CHN2: variants seen among roughly 807,000 people sequenced by gnomAD.
The protein encoded by CHN2 is chimerin 2, also known as beta-chimaerin.
CHN2 carries 35 observed loss-of-function variants against 56.3 expected under a neutral mutation model. The observed-to-expected ratio is 0.62, with a 90% CI of 0.47 to 0.82. The LOEUF is 0.82. Ranked by LOEUF, CHN2 falls within the 40% of genes least tolerant of loss-of-function variation. CHN2 has a pLI of 0.00. For missense variants in CHN2, 491 were observed against 580.5 expected, an observed-to-expected ratio of 0.85 and a Z score of 1.58; for synonymous variants, 210 against 212.8, an observed-to-expected ratio of 0.99 and a Z score of 0.12.
intron 6 of CHN2, among the ~76,000 whole-genome samples, chr7:29,432,624 A>G (rs1423410419): frequency 1.3e-5 from 2 of 152,200 alleles, no homozygotes; most frequent in African/African-American, 4.8e-5. Flanking sequence ...GTAAATACAT[A>G]TGGAAATGTG....
chr7:29,158,600 C>T (rs1456673028), intron 2 of CHN2, among the ~76,000 whole-genome samples: 2 of 152,280 alleles, frequency 1.3e-5, no homozygotes, highest in East Asian at 1.9e-4. Context: ...GATCTGTTTT[C>T]ACATGTGTAG....
intron 1 of CHN2, among the ~76,000 whole-genome samples, chr7:29,260,416 C>T (rs573669671): frequency 1.3e-5 from 2 of 152,280 alleles, no homozygotes; most frequent in Non-Finnish European, 2.9e-5. Flanking sequence ...GCAGTATTTT[C>T]ATTTGCGGAA....
chr7:29,263,486 C>A (rs1263383040), intron 1 of CHN2, among the ~76,000 whole-genome samples: 1 of 151,988 alleles, frequency 6.6e-6, no homozygotes, highest in African/African-American at 2.4e-5. Flanking sequence ...TGCCTGGCCG[C>A]CCATCGTCTG....
rs147019324 is a variant in CHN2, at chr7:29,205,437, T to C, written c.49+10447T>C. On this transcript the variant is annotated intron_variant, in intron 1 of 12. Transcript: ENST00000222792. Reference sequence around the variant, plus strand: ...TTTTCTTATCCGTAAAATGGGCTAATAATACTAGTTGTTAGAATCGAATGT... The same window carrying C: ...TTTTCTTATCCGTAAAATGGGCTAACAATACTAGTTGTTAGAATCGAATGT... Among the ~76,000 whole-genome samples the C allele has an allele frequency of 3.5e-3, 537 of 152,308 alleles. 4 individuals are homozygous for C. Among genetic ancestry groups the C allele is most frequent in the African/African-American group, 0.012 (505 of 41,566 alleles).
intron 1 of CHN2, among the ~76,000 whole-genome samples, chr7:29,213,950 G>A (rs765643548): frequency 2.2e-4 from 34 of 152,094 alleles, no homozygotes; most frequent in Admixed American, 2.1e-3. Context: ...CAATAATTGC[G>A]CTTTTTAGTC....
intron 8 of CHN2, 97 bp downstream of exon 8, chr7:29,496,133 C>A: frequency 1.0e-6 from 1 of 971,848 alleles, no homozygotes; most frequent in Non-Finnish European, 1.5e-6. Context: ...CTCAGATTAG[C>A]TCAAAAGTCT....
At chr7:29,395,558 TAAAGG>T (rs1801677553) in intron 4 of CHN2, among the ~76,000 whole-genome samples, 1 of 151,928 alleles carries the variant, frequency 6.6e-6, no homozygotes, top group African/African-American at 2.4e-5. Flanking sequence ...AATTAGAAAA[TAAAGG>T]AAAATAGAAG....
intron 6 of CHN2, among the ~76,000 whole-genome samples, chr7:29,440,230 A>G (rs577993868): frequency 1.3e-5 from 2 of 152,254 alleles, no homozygotes; most frequent in Non-Finnish European, 2.9e-5. Flanking sequence ...AAAATGTAGT[A>G]TATACCTAAG....
chr7:29,360,308 G>A (rs1028908277), intron 2 of CHN2, among the ~76,000 whole-genome samples: 2 of 152,174 alleles, frequency 1.3e-5, no homozygotes, highest in Non-Finnish European at 2.9e-5. Flanking sequence ...GATCACCTGC[G>A]GTTGGGAGTT....
upstream of CHN2, chr7:29,193,322 C>G (rs899455146): frequency 2.0e-5 from 3 of 151,998 alleles, no homozygotes; most frequent in African/African-American, 7.3e-5. Context: ...GATTATTTAA[C>G]ATTCATTATT....
At chr7:29,238,340 A>C (rs1787366301) in intron 1 of CHN2, among the ~76,000 whole-genome samples, 1 of 152,154 alleles carries the variant, frequency 6.6e-6, no homozygotes, top group African/African-American at 2.4e-5. Context: ...TATGAAATTA[A>C]AACTTCGGGT....
chr7:29,500,336 A>G (rs1383434364), intron 9 of CHN2, among the ~76,000 whole-genome samples: 1 of 152,200 alleles, frequency 6.6e-6, no homozygotes, highest in East Asian at 1.9e-4. Flanking sequence ...CAAGAAATTC[A>G]TACTTCAGCT....
intron 6 of CHN2, among the ~76,000 whole-genome samples, chr7:29,477,301 A>T (rs7798242): frequency 0.59 from 90,190 of 152,002 alleles, 26,870 homozygotes; most frequent in Non-Finnish European, 0.61. Context: ...TATTGAATCA[A>T]TAGCTGAAAA....
At chr7:29,254,643 C>A (rs1416630465) in intron 1 of CHN2, among the ~76,000 whole-genome samples, 4 of 152,156 alleles carry the variant, frequency 2.6e-5, no homozygotes. Context: ...CCACCACTCA[C>A]ACCCAGCATT....
chr7:29,240,604 C>G (rs992738286), intron 1 of CHN2, among the ~76,000 whole-genome samples: 2 of 152,094 alleles, frequency 1.3e-5, no homozygotes, highest in Admixed American at 6.6e-5. Context: ...GCCATCTACT[C>G]CTATGAGATT....
intron 6 of CHN2, among the ~76,000 whole-genome samples, chr7:29,420,902 C>A (rs12667099): frequency 1.3e-5 from 2 of 151,284 alleles, no homozygotes; most frequent in African/African-American, 2.4e-5. Flanking sequence ...CCCTGCCCCC[C>A]AGGTTCAAGC....
intron 1 of CHN2, among the ~76,000 whole-genome samples, chr7:29,251,026 C>T (rs1339636426): frequency 1.3e-5 from 2 of 152,166 alleles, no homozygotes; most frequent in Non-Finnish European, 2.9e-5. Flanking sequence ...AACTTCTTTA[C>T]AATTTAGTAA....
intron 4 of CHN2, chr7:29,398,162 C>G: frequency 2.5e-6 from 1 of 392,598 alleles, no homozygotes; most frequent in Non-Finnish European, 4.5e-6. Flanking sequence ...ACTGGGCATC[C>G]TTCCTTTTGT....
intron 9 of CHN2, among the ~76,000 whole-genome samples, chr7:29,502,147 C>A (rs2128581387): frequency 6.6e-6 from 1 of 152,326 alleles, no homozygotes; most frequent in South Asian, 2.1e-4. Context: ...TATTATGTAG[C>A]CTGTACATCT....
Sources: allele counts gnomAD v4.1 joint callset (sites outside exome capture counted in the v4.1 genomes callset), GRCh38; gene constraint gnomAD v4.1.1; transcripts MANE v1.5; gene names NCBI Gene and HGNC (gene_info 2026-07-23, HGNC 2026-07-21).